KIAA1755: variants seen among roughly 807,000 people sequenced by gnomAD.
KIAA1755 encodes uncharacterized protein KIAA1755.
Under a neutral mutation model 91.7 loss-of-function variants are expected in KIAA1755, and 68 were observed. The ratio of observed to expected loss-of-function variants is 0.74; its 90% CI spans 0.61 to 0.91. KIAA1755 has a LOEUF of 0.91. Among genes scored for constraint, KIAA1755 ranks in the 40% least tolerant of loss-of-function variants. The pLI is 0.00. For synonymous variants in KIAA1755, 610 were observed against 604.6 expected, an observed-to-expected ratio of 1.01 and a Z score of -0.13; for missense variants, 1,535 against 1,494.4, an observed-to-expected ratio of 1.03 and a Z score of -0.45.
intron 9 of KIAA1755, chr20:38,223,079 C>A: frequency 4.5e-6 from 1 of 224,402 alleles, no homozygotes; most frequent in South Asian, 5.8e-5. Flanking sequence ...CTCCTGAACA[C>A]CCCAGGTATA....
chr20:38,231,727 A>G (rs957995236), intron 4 of KIAA1755, among the ~76,000 whole-genome samples: 8 of 152,208 alleles, frequency 5.3e-5, no homozygotes, highest in African/African-American at 1.9e-4. Context: ...TGAGCTTATT[A>G]GGTTATTTCA....
At chr20:38,225,486 G>T (rs1333797875) in intron 8 of KIAA1755, 179 bp downstream of exon 8, 2 of 596,320 alleles carry the variant, frequency 3.4e-6, no homozygotes, top group African/African-American at 3.8e-5. Flanking sequence ...TGCAATGTAG[G>T]CAGCCTGGCC....
At chr20:38,220,959 T>A (rs1208632913) in intron 10 of KIAA1755, among the ~76,000 whole-genome samples, 1 of 152,126 alleles carries the variant, frequency 6.6e-6, no homozygotes, top group Non-Finnish European at 1.5e-5. Context: ...ATGGTGATAT[T>A]TGTGTGAAGG....
chr20:38,245,246 C>A (rs2076136639), intron 2 of KIAA1755, among the ~76,000 whole-genome samples: 1 of 152,118 alleles, frequency 6.6e-6, no homozygotes, highest in African/African-American at 2.4e-5. Context: ...AATATAAATC[C>A]TTGAGCTTCC....
intron 13 of KIAA1755, chr20:38,217,036 C>G: frequency 1.5e-6 from 1 of 654,180 alleles, no homozygotes; most frequent in Non-Finnish European, 2.8e-6. Context: ...GAGCCTCCGA[C>G]TGTGTCTGGG....
At position 38,240,927 on chromosome 20, in the gene KIAA1755, C is replaced by T. The variant is rs976616182; in HGVS notation, c.1204G>A (p.Gly402Arg). Residue 402 changes from glycine to arginine, a missense_variant, in exon 3 of 14, where the codon GGA becomes AGA. By Grantham distance (125) the Gly-to-Arg change is moderately radical (BLOSUM62 -2). Coordinates refer to ENST00000279024, the MANE Select transcript of KIAA1755 (RefSeq NM_001029864.2). ...SQEPAASKMQ[G>R]PLGNPENMVQ... ...ATATTCTCTGGGTTTCCTAGAGGTCCCTGCATCTTGGAGGCAGCTGGCTCT... is the reference window on the plus strand; with the variant it reads ...ATATTCTCTGGGTTTCCTAGAGGTCTCTGCATCTTGGAGGCAGCTGGCTCT... 2.5e-6 allele frequency: 4 copies of T among 1,613,948 alleles called. No individual in the cohort carries two copies. The highest frequency in any genetic ancestry group is 2.7e-5 in the African/African-American group (2 of 74,916).
At chr20:38,225,439 A>C (rs1211284738) in intron 8 of KIAA1755, 1 of 545,312 alleles carries the variant, frequency 1.8e-6, no homozygotes. Context: ...CAGAGAAGGT[A>C]AGTAACTTAT....
rs1442187184 is a variant in KIAA1755, at chr20:38,241,111, T to C, written c.1020A>G (p.Pro340=). Residue 340 remains proline (P), a synonymous_variant, in exon 3 of 14, where the codon CCA becomes CCG. Coordinates refer to ENST00000279024, the MANE Select transcript of KIAA1755 (RefSeq NM_001029864.2). ...TATAGGGCCTCTCCTCAGAGCTTTC[T>C]GGCTTTGTGCAAGCCCGATTTCCCA... ...PSLGNRACTK[P]ESSEERPYNL... is the part of the protein sequence containing the mutation. The C allele has an allele frequency of 1.9e-6, 3 of 1,614,024 alleles. No homozygotes were observed. The highest frequency in any genetic ancestry group is 2.7e-5 in the African/African-American group (2 of 74,924).
intron 4 of KIAA1755, among the ~76,000 whole-genome samples, chr20:38,232,950 T>C (rs1370605111): frequency 1.3e-5 from 2 of 152,058 alleles, no homozygotes; most frequent in Non-Finnish European, 2.9e-5. Context: ...AGACCTTGTC[T>C]TTACTAAAAA....
At chr20:38,225,899 A>G in intron 7 of KIAA1755, 118 bp from the exon 8 acceptor site, 2 of 575,076 alleles carry the variant, frequency 3.5e-6, no homozygotes, top group Non-Finnish European at 5.9e-6. Flanking sequence ...GGTTGACTCC[A>G]GCTTTAAAAG....
chr20:38,242,603 G>T (rs115530026), intron 2 of KIAA1755, among the ~76,000 whole-genome samples: 1 of 152,272 alleles, frequency 6.6e-6, no homozygotes, highest in African/African-American at 2.4e-5. Context: ...GCCTACAGTT[G>T]GCCAAAATCA....
intron 8 of KIAA1755, among the ~76,000 whole-genome samples, 188 bp from the exon 9 acceptor site, chr20:38,223,824 T>C (rs1483635493): frequency 6.6e-6 from 1 of 152,208 alleles, no homozygotes; most frequent in African/African-American, 2.4e-5. Flanking sequence ...CTTCAGTTCC[T>C]CTGGGGCGAG....
chr20:38,254,886 A>T (rs2076313360), intron 1 of KIAA1755, among the ~76,000 whole-genome samples: 1 of 151,870 alleles, frequency 6.6e-6, no homozygotes. Flanking sequence ...GTTTAAAAAG[A>T]TCTGTCTTGG....
intron 1 of KIAA1755, among the ~76,000 whole-genome samples, chr20:38,259,348 T>C (rs1373904023): frequency 6.6e-6 from 1 of 151,864 alleles, no homozygotes; most frequent in African/African-American, 2.4e-5. Context: ...AGTTTAGCAG[T>C]ATGGGGGAGC....
At chr20:38,254,975 G>A (rs1040704144) in intron 1 of KIAA1755, among the ~76,000 whole-genome samples, 8 of 152,154 alleles carry the variant, frequency 5.3e-5, no homozygotes, top group South Asian at 2.1e-4. Flanking sequence ...TCAGGAGTTC[G>A]AGACCAGCCT....
At chr20:38,228,117 C>T in intron 6 of KIAA1755, 30 bp downstream of exon 6, 1 of 1,545,868 alleles carries the variant, frequency 6.5e-7, no homozygotes, top group Admixed American at 1.9e-5. Flanking sequence ...CCAGGACTTA[C>T]TAGGCTAAGG....
intron 1 of KIAA1755, among the ~76,000 whole-genome samples, chr20:38,248,862 TTTTG>T (rs145931901): frequency 0.4 from 58,976 of 148,684 alleles, 11,835 homozygotes; most frequent in Middle Eastern, 0.55. Flanking sequence ...TGCTTGGCCT[TTTTG>T]TTTGTTTGTT....
chr20:38,217,814 T>C, intron 12 of KIAA1755: 1 of 455,898 alleles, frequency 2.2e-6, no homozygotes, highest in Non-Finnish European at 3.9e-6. Context: ...TCCCTTACTG[T>C]GCGCTTCCCT....
At chr20:38,253,676 C>CG (rs1257689975) in intron 1 of KIAA1755, among the ~76,000 whole-genome samples, 1 of 152,188 alleles carries the variant, frequency 6.6e-6, no homozygotes, top group Non-Finnish European at 1.5e-5. Context: ...GAGGGCTGTG[C>CG]GGGGCAGGGG....
Sources: allele counts gnomAD v4.1 joint callset (sites outside exome capture counted in the v4.1 genomes callset), GRCh38; gene constraint gnomAD v4.1.1; transcripts MANE v1.5; gene names NCBI Gene and HGNC (gene_info 2026-07-23, HGNC 2026-07-21).